Variants in FOXJ3 observed in about 807,000 individuals in gnomAD.
FOXJ3 encodes the protein forkhead box J3.
In FOXJ3, 22 loss-of-function variants were observed where a neutral mutation model predicts 76.1. The ratio of observed to expected loss-of-function variants is 0.29; its 90% CI spans 0.21 to 0.41. FOXJ3 has a LOEUF of 0.41. Ranked by LOEUF, FOXJ3 falls within the 10% of genes least tolerant of loss-of-function variation. FOXJ3 has a pLI of 1.00. For synonymous variants in FOXJ3, 269 were observed against 261.2 expected (o/e 1.03, Z -0.29); for missense variants, 613 against 762.1 (o/e 0.80, Z 2.30).
rs981980932 is a variant in FOXJ3 at position 42,254,151 on chromosome 1, G to A, written c.444+10964C>T. ...CAAACAACCCCATCAAAAAGTGGGC[G>A]AAGGATATGAACAGACACTCCTCAA... On this transcript the variant is annotated intron_variant, in intron 4 of 12. Coordinates refer to ENST00000361346, the MANE Select transcript of FOXJ3 (RefSeq NM_014947.5). 1.6e-4 allele frequency among the ~76,000 whole-genome samples: 24 copies of A among 152,102 alleles called. No individual in the cohort carries two copies. In the South Asian group the frequency reaches 2.7e-3, roughly 17 times the overall value.
intron 4 of FOXJ3, among the ~76,000 whole-genome samples, chr1:42,254,561 A>G (rs1441627039): frequency 0.01 from 1,252 of 121,424 alleles, no homozygotes; most frequent in South Asian, 0.013. Flanking sequence ...ACTTGGAACC[A>G]ACCCAAATGT....
At chr1:42,196,669 G>T (rs1425722148) in intron 7 of FOXJ3, among the ~76,000 whole-genome samples, 1 of 152,130 alleles carries the variant, frequency 6.6e-6, no homozygotes, top group Non-Finnish European at 1.5e-5. Flanking sequence ...CTTCAGTCTG[G>T]GCGACAGAGA....
chr1:42,234,285 T>C (rs934652667), intron 4 of FOXJ3, among the ~76,000 whole-genome samples: 49 of 152,310 alleles, frequency 3.2e-4, no homozygotes, highest in South Asian at 2.7e-3. Context: ...TTGGTTATTC[T>C]AGTTAGCCAT....
chr1:42,216,085 G>A (rs947687519), intron 5 of FOXJ3, among the ~76,000 whole-genome samples: 1 of 152,110 alleles, frequency 6.6e-6, no homozygotes, highest in African/African-American at 2.4e-5. Flanking sequence ...TTCAGGGAAA[G>A]AAAAACTAAG....
intron 2 of FOXJ3, 75 bp from the exon 3 acceptor site, chr1:42,278,747 T>C: frequency 9.1e-7 from 1 of 1,097,954 alleles, no homozygotes; most frequent in Non-Finnish European, 1.3e-6. Context: ...TATTCACAAA[T>C]CTAGGAGTTC....
intron 4 of FOXJ3, among the ~76,000 whole-genome samples, chr1:42,250,618 A>C (rs1649947853): frequency 6.6e-6 from 1 of 152,096 alleles, no homozygotes; most frequent in South Asian, 2.1e-4. Flanking sequence ...GCAGTTTGAG[A>C]CCAGCCTGGC....
At chr1:42,248,838 TC>T (rs534791253) in intron 4 of FOXJ3, among the ~76,000 whole-genome samples, 179 of 145,004 alleles carry the variant, frequency 1.2e-3, no homozygotes, top group African/African-American at 4.1e-3. Flanking sequence ...CACCTAACAA[TC>T]CGTCACCTAG....
At chr1:42,221,620 AT>A (rs746463206) in intron 5 of FOXJ3, among the ~76,000 whole-genome samples, 61 of 146,128 alleles carry the variant, frequency 4.2e-4, no homozygotes, top group Non-Finnish European at 5.1e-4. Context: ...CACACCCACT[AT>A]TTTTTTTTTC....
rs148323228 is a variant in FOXJ3, at chr1:42,330,082, C to A, written c.-18+4977G>T. ...TACAACTACAATAAACTTATAAAAT[C>A]TACGATATATTTATAAAACCTACTT... On this transcript the variant is annotated intron_variant, in intron 1 of 12. Coordinates refer to ENST00000361346, the MANE Select transcript of FOXJ3 (RefSeq NM_014947.5). Among the ~76,000 whole-genome samples, 779 of 152,190 alleles carry A rather than the reference C, an allele frequency of 5.1e-3. 7 individuals carry two copies. The highest frequency in any genetic ancestry group is 0.018 in the African/African-American group (738 of 41,504).
At chr1:42,230,737 C>T (rs1202102563) in intron 4 of FOXJ3, among the ~76,000 whole-genome samples, 8 of 152,124 alleles carry the variant, frequency 5.3e-5, no homozygotes, top group Non-Finnish European at 1.5e-5. Context: ...GAAACTGAAA[C>T]TCTTATGCAC....
At chr1:42,184,456 T>C (rs1646393673) in intron 11 of FOXJ3, among the ~76,000 whole-genome samples, 1 of 152,140 alleles carries the variant, frequency 6.6e-6, no homozygotes, top group Non-Finnish European at 1.5e-5. Context: ...CATATAGAAA[T>C]TCCCATTAAT....
intron 2 of FOXJ3, among the ~76,000 whole-genome samples, chr1:42,294,418 T>C (rs1653645536): frequency 6.6e-6 from 1 of 152,118 alleles, no homozygotes; most frequent in Admixed American, 6.6e-5. Flanking sequence ...CCCCAGGATT[T>C]AGAATTAGAA....
At chr1:42,203,316 T>C (rs1304619434) in intron 6 of FOXJ3, among the ~76,000 whole-genome samples, 1 of 152,216 alleles carries the variant, frequency 6.6e-6, no homozygotes, top group Non-Finnish European at 1.5e-5. Context: ...TCGAACTCTC[T>C]CTCCTAGCAT....
intron 5 of FOXJ3, among the ~76,000 whole-genome samples, chr1:42,212,920 T>C (rs1209512266): frequency 9.4e-6 from 1 of 105,876 alleles, no homozygotes; most frequent in East Asian, 3.0e-4. Flanking sequence ...CTTTACTCCT[T>C]AACATAATAA....
chr1:42,267,763 A>G (rs1015734902), intron 3 of FOXJ3, among the ~76,000 whole-genome samples: 30 of 152,150 alleles, frequency 2.0e-4, no homozygotes, highest in African/African-American at 7.0e-4. Context: ...TTCAACAGAA[A>G]TGTGAAAACT....
chr1:42,249,401 C>T (rs566915434), intron 4 of FOXJ3, among the ~76,000 whole-genome samples: 43 of 152,278 alleles, frequency 2.8e-4, no homozygotes, highest in African/African-American at 9.6e-4. Flanking sequence ...AATTCACCTA[C>T]ATGAAGGTTA....
intron 2 of FOXJ3, among the ~76,000 whole-genome samples, chr1:42,279,749 T>C (rs962904607): frequency 6.6e-6 from 1 of 151,178 alleles, no homozygotes; most frequent in East Asian, 1.9e-4. Flanking sequence ...GACAATAAAG[T>C]AGAGAAGAAT....
intron 3 of FOXJ3, among the ~76,000 whole-genome samples, chr1:42,265,989 C>A (rs1207040792): frequency 6.6e-6 from 1 of 152,148 alleles, no homozygotes; most frequent in African/African-American, 2.4e-5. Context: ...AAGTCCATTT[C>A]TTCTCAATTA....
chr1:42,192,473 T>C (rs566876102), intron 8 of FOXJ3, among the ~76,000 whole-genome samples: 1 of 152,330 alleles, frequency 6.6e-6, no homozygotes, highest in Non-Finnish European at 1.5e-5. Flanking sequence ...AACTATTATT[T>C]CTAACACTTA....
Sources: allele counts gnomAD v4.1 joint callset (sites outside exome capture counted in the v4.1 genomes callset), GRCh38; gene constraint gnomAD v4.1.1; transcripts MANE v1.5; gene names NCBI Gene and HGNC (gene_info 2026-07-23, HGNC 2026-07-21).